The following EPB41L4A variants were observed in gnomAD, a reference collection of about 807,000 sequenced individuals.
EPB41L4A encodes band 4.1-like protein 4A.
In EPB41L4A, 100 loss-of-function variants were observed where a neutral mutation model predicts 108.6. The ratio of observed to expected loss-of-function variants is 0.92; its 90% CI spans 0.78 to 1.09. The LOEUF is 1.09. EPB41L4A is among the 50% of genes least tolerant of loss of function. The probability of loss-of-function intolerance (pLI) is 0.00; values close to 1 mark genes in which losing one functional copy is unlikely to be tolerated. For synonymous variants in EPB41L4A, 319 were observed against 289.0 expected, an observed-to-expected ratio of 1.10 and a Z score of -1.05; for missense variants, 1,030 against 842.7, an observed-to-expected ratio of 1.22 and a Z score of -2.75.
chr5:112,321,505 T>C (rs1450908730), intron 1 of EPB41L4A, among the ~76,000 whole-genome samples: 1 of 152,226 alleles, frequency 6.6e-6, no homozygotes, highest in Non-Finnish European at 1.5e-5. Flanking sequence ...TGCATTATTA[T>C]GTACATTATT....
rs150870182 is a variant in EPB41L4A, at chr5:112,350,871, A to T, written c.100-43381T>A. Among the ~76,000 whole-genome samples, 24 of 152,316 alleles carry T rather than the reference A, an allele frequency of 1.6e-4. No homozygotes were observed. In the East Asian group the frequency reaches 4.6e-3, roughly 29 times the overall value. ...CCACATTTTCTCTATCCATTCATCCATTAGTGGACACTTAGGATGATTCTC... is the reference window on the plus strand; with the variant it reads ...CCACATTTTCTCTATCCATTCATCCTTTAGTGGACACTTAGGATGATTCTC... On this transcript the variant is annotated intron_variant, in intron 1 of 22. Transcript: ENST00000261486.
chr5:112,201,213 G>A (rs17134238), intron 15 of EPB41L4A, among the ~76,000 whole-genome samples: 7,094 of 152,178 alleles, frequency 0.047, 522 homozygotes, highest in African/African-American at 0.16. Context: ...CAAAACACAC[G>A]TCCCCAAAAG....
chr5:112,360,819 G>C (rs904468897), intron 1 of EPB41L4A, among the ~76,000 whole-genome samples: 1 of 151,790 alleles, frequency 6.6e-6, no homozygotes, highest in Admixed American at 6.6e-5. Context: ...CCATCTTCTG[G>C]GATGTGGGGA....
intron 1 of EPB41L4A, among the ~76,000 whole-genome samples, chr5:112,340,700 T>G (rs1002834768): frequency 2.0e-5 from 3 of 152,204 alleles, no homozygotes; most frequent in Admixed American, 6.5e-5. Flanking sequence ...TGTAACTACA[T>G]GTACGTTTCT....
chr5:112,165,634 C>A (rs930088813), intron 22 of EPB41L4A, among the ~76,000 whole-genome samples: 2 of 152,184 alleles, frequency 1.3e-5, no homozygotes, highest in African/African-American at 2.4e-5. Context: ...CTCCCATCAT[C>A]ACTGGTGGAG....
At chr5:112,295,851 A>AG (rs1158574500) in intron 2 of EPB41L4A, among the ~76,000 whole-genome samples, 1 of 152,208 alleles carries the variant, frequency 6.6e-6, no homozygotes, top group African/African-American at 2.4e-5. Context: ...TGCAATTTCC[A>AG]TACTCTAGCT....
intron 12 of EPB41L4A, among the ~76,000 whole-genome samples, chr5:112,223,554 C>T (rs1235579315): frequency 6.6e-6 from 1 of 152,148 alleles, no homozygotes; most frequent in Non-Finnish European, 1.5e-5. Context: ...CACCCTCCAG[C>T]CCCCACCTGT....
intron 1 of EPB41L4A, among the ~76,000 whole-genome samples, chr5:112,397,523 GACC>G (rs902847537): frequency 2.6e-5 from 4 of 151,790 alleles, no homozygotes; most frequent in Non-Finnish European, 4.4e-5. Flanking sequence ...TTAGAGAAGA[GACC>G]ACTACTATAA....
intron 13 of EPB41L4A, among the ~76,000 whole-genome samples, chr5:112,144,601 G>A (rs1382638610): frequency 6.6e-6 from 1 of 152,130 alleles, no homozygotes; most frequent in Non-Finnish European, 1.5e-5. Flanking sequence ...AGATTTTAGA[G>A]GCTTTACTGG....
In EPB41L4A at chr5:112,170,470, A is replaced by G. The variant is rs1487835437; in HGVS notation, c.1671-101T>C. 5.2e-6 allele frequency: 4 copies of G among 768,598 alleles called. No individual in the cohort carries two copies. The East Asian group carries it at 7.9e-5, about 15-fold the overall frequency. The allele number at this position is 768,598 out of a possible 1,614,324, so 47.6% of individuals were successfully genotyped here. ...AGTTTTCCCTTTCTAATCTTGTCCC[A>G]AAACAGTGTTAGTAAAACTAATGAA... On this transcript the variant is annotated intron_variant, in intron 19 of 22. Transcript: ENST00000261486.
intron 12 of EPB41L4A, among the ~76,000 whole-genome samples, chr5:112,221,554 A>G (rs1748048911): frequency 6.6e-6 from 1 of 152,198 alleles, no homozygotes; most frequent in Non-Finnish European, 1.5e-5. Flanking sequence ...GACAATTTAT[A>G]TAAAGCCTTT....
chr5:112,184,001 A>G lies in EPB41L4A; in HGVS notation c.1622+15T>C. ...TCAGTGTTTTTGAATCAAGGTATAA[A>G]AAGAGTCCACATACGAACGAGATCT... On this transcript the variant is annotated intron_variant, in intron 18 of 22. Transcript: ENST00000261486. 1 of 1,613,720 alleles carries G rather than the reference A, an allele frequency of 6.2e-7. No individual in the cohort carries two copies. The highest frequency in any genetic ancestry group is 8.5e-7 in the Non-Finnish European group (1 of 1,179,810).
At chr5:112,141,932 A>C (rs989831107), downstream of EPB41L4A, among the ~76,000 whole-genome samples, 2 of 152,268 alleles carry the variant, frequency 1.3e-5, no homozygotes, top group East Asian at 3.9e-4. Context: ...CTCCCCCAAC[A>C]ACACCGTGAG....
chr5:112,408,793 G>C (rs1021453449), intron 1 of EPB41L4A, among the ~76,000 whole-genome samples: 1 of 148,048 alleles, frequency 6.8e-6, no homozygotes, highest in African/African-American at 2.5e-5. Context: ...ACAATAAGAT[G>C]CTACTTCACA....
At position 112,419,163 on chromosome 5, in the gene EPB41L4A, C is replaced by G; in HGVS notation, c.-124G>C. ...CGTGGCGAGGGTGAGACGAGCAGCT[C>G]CCGGCGGGGTCCGGGGACCGGCCGC... On this transcript the variant is annotated 5_prime_UTR_variant, in exon 1 of 23. Transcript: ENST00000261486. 2 of 685,112 alleles carry G rather than the reference C, an allele frequency of 2.9e-6. No homozygotes were observed. Among genetic ancestry groups the G allele is most frequent in the Non-Finnish European group, 4.9e-6 (2 of 406,106 alleles). 42.4% of individuals were successfully genotyped at this position (685,112 alleles called of 1,614,324 possible). A position where few individuals can be genotyped will look rare whatever the true frequency, so the allele number is the denominator to read the frequency against.
chr5:112,315,325 A>C (rs1332195994), intron 1 of EPB41L4A, among the ~76,000 whole-genome samples: 1 of 152,194 alleles, frequency 6.6e-6, no homozygotes, highest in Non-Finnish European at 1.5e-5. Flanking sequence ...ACTTATGTTT[A>C]GACATTTGGA....
chr5:112,311,244 A>T (rs1755029836), intron 1 of EPB41L4A, among the ~76,000 whole-genome samples: 1 of 152,190 alleles, frequency 6.6e-6, no homozygotes, highest in Admixed American at 6.5e-5. Context: ...TTGGCTCAAG[A>T]GGCAGGCCAG....
At position 112,189,107 on chromosome 5, in the gene EPB41L4A, A is replaced by G. The variant is rs574767935; in HGVS notation, c.1503-4972T>C. On this transcript the variant is annotated intron_variant, in intron 17 of 22. Transcript: ENST00000261486. ...CCTAAAAGACATCTAAAAGACCCCA[A>G]TGTTGTTAGGGAGAAACTAGCAACA... Among the ~76,000 whole-genome samples the G allele has an allele frequency of 7.2e-5, 11 of 152,326 alleles. No individual in the cohort carries two copies. The East Asian group carries it at 1.5e-3, about 21-fold the overall frequency.
intron 1 of EPB41L4A, among the ~76,000 whole-genome samples, chr5:112,346,519 G>T (rs1246472812): frequency 2.0e-5 from 3 of 152,060 alleles, no homozygotes; most frequent in African/African-American, 7.2e-5. Flanking sequence ...ACTGCGCCCA[G>T]CCTGTATGCT....
Sources: allele counts gnomAD v4.1 joint callset (sites outside exome capture counted in the v4.1 genomes callset), GRCh38; gene constraint gnomAD v4.1.1; transcripts MANE v1.5; gene names NCBI Gene and HGNC (gene_info 2026-07-23, HGNC 2026-07-21).